Variants in BCKDHB observed in about 807,000 individuals in gnomAD.
The protein encoded by BCKDHB is 2-oxoisovalerate dehydrogenase subunit beta, mitochondrial.
BCKDHB carries 41 observed loss-of-function variants against 48.5 expected under a neutral mutation model. That is an observed-to-expected ratio of 0.85 (90% CI 0.66 to 1.10). The LOEUF is 1.10. Among genes scored for constraint, BCKDHB ranks in the 50% least tolerant of loss-of-function variants. The probability of loss-of-function intolerance (pLI) is 0.00; values close to 1 mark genes in which losing one functional copy is unlikely to be tolerated. For synonymous variants in BCKDHB, 201 were observed against 174.8 expected, an observed-to-expected ratio of 1.15 and a Z score of -1.18; for missense variants, 496 against 494.2, an observed-to-expected ratio of 1.00 and a Z score of -0.03.
the BCKDHB span, among the ~76,000 whole-genome samples, chr6:80,390,821 C>G: frequency 6.6e-6 from 1 of 152,076 alleles, no homozygotes; most frequent in Non-Finnish European, 1.5e-5. Flanking sequence ...AAGTATTAAT[C>G]CTGGGTGTGT....
At chr6:80,378,850 T>C in the BCKDHB span, among the ~76,000 whole-genome samples, 3 of 152,232 alleles carry the variant, frequency 2.0e-5, no homozygotes, top group East Asian at 1.9e-4. Context: ...TAATATCTCA[T>C]TGTGGTTTTA....
intron 5 of BCKDHB, among the ~76,000 whole-genome samples, chr6:80,170,600 C>T (rs1318182154): frequency 6.6e-6 from 1 of 152,130 alleles, no homozygotes; most frequent in African/African-American, 2.4e-5. Flanking sequence ...TTGCTATGAA[C>T]AGATGAATTA....
At chr6:80,361,003 C>CAAAAAAAAAAA in the BCKDHB span, among the ~76,000 whole-genome samples, 1 of 117,746 alleles carries the variant, frequency 8.5e-6, no homozygotes, top group Non-Finnish European at 1.7e-5. Flanking sequence ...GACTCCATCT[C>CAAAAAAAAAAA]AAAAAAAAAA....
intron 9 of BCKDHB, among the ~76,000 whole-genome samples, chr6:80,304,879 GA>G (rs1316738149): frequency 5.9e-5 from 9 of 152,180 alleles, no homozygotes; most frequent in Middle Eastern, 3.4e-3. Context: ...ATCATTAAAA[GA>G]AGAAATTAGA....
At chr6:80,354,572 A>G in the BCKDHB span, among the ~76,000 whole-genome samples, 2 of 152,190 alleles carry the variant, frequency 1.3e-5, no homozygotes, top group African/African-American at 4.8e-5. Flanking sequence ...GGTCTTAGTC[A>G]TAAATAATTT....
At chr6:80,229,989 AC>A (rs1775841426) in intron 8 of BCKDHB, among the ~76,000 whole-genome samples, 1 of 149,116 alleles carries the variant, frequency 6.7e-6, no homozygotes, top group Non-Finnish European at 1.5e-5. Flanking sequence ...ACCATTTAAT[AC>A]AACCCCAATT....
chr6:80,129,395 A>G (rs1770515621), intron 3 of BCKDHB, among the ~76,000 whole-genome samples, 166 bp downstream of exon 3: 1 of 152,134 alleles, frequency 6.6e-6, no homozygotes, highest in African/African-American at 2.4e-5. Flanking sequence ...ATTTTCTCAA[A>G]TGTCTTCTAG....
At chr6:80,240,237 C>T (rs750758464) in intron 8 of BCKDHB, among the ~76,000 whole-genome samples, 35 of 152,086 alleles carry the variant, frequency 2.3e-4, no homozygotes, top group Non-Finnish European at 4.0e-4. Flanking sequence ...TTACCTTGGG[C>T]AGTATGGCCA....
chr6:80,363,576 C>T, the BCKDHB span, among the ~76,000 whole-genome samples: 2 of 152,078 alleles, frequency 1.3e-5, no homozygotes, highest in Non-Finnish European at 2.9e-5. Context: ...GAAAATTATT[C>T]ATGTACTAAG....
At chr6:80,254,945 T>C (rs542201536) in intron 8 of BCKDHB, among the ~76,000 whole-genome samples, 1 of 152,334 alleles carries the variant, frequency 6.6e-6, no homozygotes, top group South Asian at 2.1e-4. Context: ...ATTATCTCTC[T>C]GTTTGTAACA....
At chr6:80,373,088 T>A in the BCKDHB span, among the ~76,000 whole-genome samples, 1 of 152,148 alleles carries the variant, frequency 6.6e-6, no homozygotes, top group South Asian at 2.1e-4. Context: ...TGGAATTTTT[T>A]TTGTTTGGTA....
chr6:80,143,884 T>A (rs975397265), intron 3 of BCKDHB, among the ~76,000 whole-genome samples: 5 of 152,140 alleles, frequency 3.3e-5, no homozygotes. Context: ...CTCTAGTATC[T>A]TTAGTAATAA....
At chr6:80,458,868 A>G in the BCKDHB span, among the ~76,000 whole-genome samples, 414 of 152,244 alleles carry the variant, frequency 2.7e-3, 3 homozygotes, top group African/African-American at 9.6e-3. Flanking sequence ...GAACAAAACT[A>G]AGCTAAATAT....
chr6:80,175,416 A>G (rs897806258), intron 6 of BCKDHB, among the ~76,000 whole-genome samples: 4 of 152,212 alleles, frequency 2.6e-5, no homozygotes, highest in African/African-American at 9.6e-5. Context: ...TTGAGGGACA[A>G]CTACCAGTCT....
chr6:80,286,723 T>C (rs1486165211), intron 9 of BCKDHB, among the ~76,000 whole-genome samples: 2 of 152,162 alleles, frequency 1.3e-5, no homozygotes, highest in East Asian at 3.9e-4. Flanking sequence ...AAACCAGCAG[T>C]ACAGCATTTT....
Position 80,113,588 on chromosome 6 carries a change from G to A in BCKDHB, c.196+6699G>A, listed in dbSNP as rs188717129. 9.8e-5 allele frequency among the ~76,000 whole-genome samples: 15 copies of A among 152,302 alleles called. No individual in the cohort carries two copies. The East Asian group carries it at 2.3e-3, about 24-fold the overall frequency. On this transcript the variant is annotated intron_variant, in intron 1 of 9. Transcript: ENST00000320393. ...CCCTGTATGGAGCAGAGAGGAAAAC[G>A]AGAAGAAAAATAAATCTCCAATTTT...
At chr6:80,342,040 T>C (rs1249130375) in intron 9 of BCKDHB, among the ~76,000 whole-genome samples, 1 of 152,194 alleles carries the variant, frequency 6.6e-6, no homozygotes, top group Non-Finnish European at 1.5e-5. Context: ...TGGTGTTTGA[T>C]ATTGTAAATC....
intron 9 of BCKDHB, among the ~76,000 whole-genome samples, chr6:80,282,419 A>AT (rs1427404840): frequency 6.6e-6 from 1 of 152,128 alleles, no homozygotes; most frequent in African/African-American, 2.4e-5. Context: ...AATTCTAGGA[A>AT]TCCTCACTTA....
chr6:80,128,523 A>G (rs1770458631), intron 2 of BCKDHB, among the ~76,000 whole-genome samples: 1 of 152,076 alleles, frequency 6.6e-6, no homozygotes, highest in South Asian at 2.1e-4. Context: ...TGCCTTGCTT[A>G]CTGTGTCCTT....
Sources: allele counts gnomAD v4.1 joint callset (sites outside exome capture counted in the v4.1 genomes callset), GRCh38; gene constraint gnomAD v4.1.1; transcripts MANE v1.5; gene names NCBI Gene and HGNC (gene_info 2026-07-23, HGNC 2026-07-21).